The following PPARGC1A variants were observed in gnomAD, a reference collection of about 807,000 sequenced individuals.
The protein encoded by PPARGC1A is PPARG coactivator 1 alpha, also known as peroxisome proliferator-activated receptor gamma coactivator 1-alpha.
A neutral mutation model predicts 88.7 loss-of-function variants in PPARGC1A; 25 were observed. The ratio of observed to expected loss-of-function variants is 0.28; its 90% CI spans 0.21 to 0.39. The LOEUF (loss-of-function observed/expected upper bound fraction) is 0.39, where lower values mean the gene tolerates loss of function less well. Ranked by LOEUF, PPARGC1A falls within the 10% of genes least tolerant of loss-of-function variation. PPARGC1A has a pLI of 1.00. For synonymous variants in PPARGC1A, 363 were observed against 355.6 expected, an observed-to-expected ratio of 1.02 and a Z score of -0.24; for missense variants, 880 against 968.7, an observed-to-expected ratio of 0.91 and a Z score of 1.22.
the PPARGC1A span, among the ~76,000 whole-genome samples, chr4:24,070,832 C>T: frequency 2.0e-5 from 3 of 152,106 alleles, no homozygotes; most frequent in East Asian, 1.9e-4. Flanking sequence ...TTTCTGCAGC[C>T]GTGAATAAAG....
the PPARGC1A span, among the ~76,000 whole-genome samples, chr4:24,087,001 T>A: frequency 2.0e-5 from 3 of 152,180 alleles, no homozygotes; most frequent in East Asian, 5.8e-4. Context: ...ATCAACACGT[T>A]CTTGACCCAT....
chr4:24,463,518 G>A, the PPARGC1A span, among the ~76,000 whole-genome samples: 7 of 152,170 alleles, frequency 4.6e-5, no homozygotes, highest in South Asian at 2.1e-4. Context: ...CGGAACTGCC[G>A]TCATCATCCT....
At chr4:23,960,883 C>A in the PPARGC1A span, among the ~76,000 whole-genome samples, 7 of 152,212 alleles carry the variant, frequency 4.6e-5, no homozygotes, top group Admixed American at 4.6e-4. Context: ...CTTCTATGTA[C>A]ATGGTAAAAC....
At chr4:23,956,735 C>G in the PPARGC1A span, among the ~76,000 whole-genome samples, 1 of 152,128 alleles carries the variant, frequency 6.6e-6, no homozygotes, top group Non-Finnish European at 1.5e-5. Flanking sequence ...TTATACCCAT[C>G]TCAGTAGTGG....
upstream of PPARGC1A, among the ~76,000 whole-genome samples, chr4:23,893,277 T>G (rs1288050274): frequency 6.6e-6 from 1 of 152,056 alleles, no homozygotes; most frequent in Admixed American, 6.6e-5. Flanking sequence ...TACTCCAAAT[T>G]AAAGGCTTTT....
At chr4:23,836,565 C>T (rs148585888) in intron 2 of PPARGC1A, among the ~76,000 whole-genome samples, 20 of 152,266 alleles carry the variant, frequency 1.3e-4, no homozygotes, top group South Asian at 1.2e-3. Flanking sequence ...GTTACCGTGT[C>T]GTTAATAAAT....
chr4:23,800,990 A>C (rs1230155417), intron 12 of PPARGC1A, among the ~76,000 whole-genome samples: 2 of 151,124 alleles, frequency 1.3e-5, no homozygotes, highest in Non-Finnish European at 2.9e-5. Flanking sequence ...TTTTTAAAGA[A>C]AGCAGAGTGT....
chr4:24,316,269 A>C, the PPARGC1A span, among the ~76,000 whole-genome samples: 1 of 152,220 alleles, frequency 6.6e-6, no homozygotes. Context: ...CAGCTAGACC[A>C]GGATAGACAG....
chr4:24,373,216 A>G, the PPARGC1A span, among the ~76,000 whole-genome samples: 2 of 152,234 alleles, frequency 1.3e-5, no homozygotes, highest in Non-Finnish European at 2.9e-5. Context: ...ATGAGGAAAC[A>G]GTCGGGTCTG....
the PPARGC1A span, among the ~76,000 whole-genome samples, chr4:24,157,845 A>G: frequency 6.6e-6 from 1 of 151,204 alleles, no homozygotes; most frequent in Non-Finnish European, 1.5e-5. Flanking sequence ...CTCATCCCCC[A>G]CCCCACAATT....
chr4:24,273,179 T>G, the PPARGC1A span, among the ~76,000 whole-genome samples: 1 of 152,186 alleles, frequency 6.6e-6, no homozygotes, highest in African/African-American at 2.4e-5. Context: ...CCCTTCAAAG[T>G]GTAAAGTGGG....
chr4:24,227,222 C>A, the PPARGC1A span, among the ~76,000 whole-genome samples: 2 of 151,928 alleles, frequency 1.3e-5, no homozygotes, highest in African/African-American at 2.4e-5. Context: ...GTAGCTGGGA[C>A]TACAGGCACA....
At chr4:24,024,459 T>G in the PPARGC1A span, among the ~76,000 whole-genome samples, 2 of 152,228 alleles carry the variant, frequency 1.3e-5, no homozygotes, top group Non-Finnish European at 2.9e-5. Flanking sequence ...CCACCTTCAC[T>G]GTCTGCCTGT....
chr4:24,024,465 C>T, the PPARGC1A span, among the ~76,000 whole-genome samples: 2 of 152,182 alleles, frequency 1.3e-5, no homozygotes, highest in African/African-American at 4.8e-5. Flanking sequence ...TCACTGTCTG[C>T]CTGTATTGTC....
chr4:24,230,555 C>A, the PPARGC1A span, among the ~76,000 whole-genome samples: 1 of 152,166 alleles, frequency 6.6e-6, no homozygotes, highest in African/African-American at 2.4e-5. Flanking sequence ...CTGGGAACCA[C>A]CCCATATAGC....
chr4:24,346,090 T>C, the PPARGC1A span, among the ~76,000 whole-genome samples: 1 of 152,232 alleles, frequency 6.6e-6, no homozygotes, highest in East Asian at 1.9e-4. Flanking sequence ...ATCTATTGAC[T>C]TGCATATGTT....
At chr4:23,860,137 T>C (rs1298002346) in intron 2 of PPARGC1A, among the ~76,000 whole-genome samples, 2 of 151,926 alleles carry the variant, frequency 1.3e-5, no homozygotes, top group African/African-American at 4.8e-5. Context: ...CCAAGTGTGG[T>C]GGCACGCACC....
At chr4:24,355,858 G>A in the PPARGC1A span, among the ~76,000 whole-genome samples, 26 of 152,110 alleles carry the variant, frequency 1.7e-4, no homozygotes, top group Non-Finnish European at 7.3e-5. Flanking sequence ...CTGAAGCCAA[G>A]CCTCCTAAAC....
At chr4:24,461,238 T>C in the PPARGC1A span, among the ~76,000 whole-genome samples, 104 of 152,376 alleles carry the variant, frequency 6.8e-4, no homozygotes, top group Non-Finnish European at 2.9e-4. Flanking sequence ...GGATTTTAAA[T>C]GATGCAAAGA....
Sources: gnomAD v4.1 joint callset for allele counts (sites outside exome capture counted in the v4.1 genomes callset) on GRCh38, gnomAD v4.1.1 for gene constraint, MANE v1.5 for transcripts, NCBI Gene and HGNC (gene_info 2026-07-23, HGNC 2026-07-21) for gene names.